Variants in FAM124A observed in about 807,000 individuals in gnomAD.
FAM124A encodes protein FAM124A.
In FAM124A, 23 loss-of-function variants were observed where a neutral mutation model predicts 24.5. The observed-to-expected ratio is 0.94, with a 90% CI of 0.68 to 1.33. The LOEUF is 1.33. FAM124A is among the 40% of genes most tolerant of loss of function. FAM124A has a pLI of 0.00. For synonymous variants in FAM124A, 287 were observed against 314.7 expected (o/e 0.91, Z 0.93); for missense variants, 623 against 722.8 (o/e 0.86, Z 1.58).
At chr13:51,243,529 T>A (rs1954523903) in intron 2 of FAM124A, among the ~76,000 whole-genome samples, 1 of 152,058 alleles carries the variant, frequency 6.6e-6, no homozygotes, top group Non-Finnish European at 1.5e-5. Context: ...TTGTTGGTTT[T>A]TTTTGTTTGT....
At chr13:51,267,753 T>C (rs1954802779) in intron 3 of FAM124A, among the ~76,000 whole-genome samples, 1 of 152,206 alleles carries the variant, frequency 6.6e-6, no homozygotes, top group Admixed American at 6.5e-5. Context: ...CTTCTACTAA[T>C]ATTCAGCACC....
intron 2 of FAM124A, among the ~76,000 whole-genome samples, chr13:51,250,979 CA>C (rs1361412709): frequency 6.6e-6 from 1 of 152,182 alleles, no homozygotes; most frequent in Non-Finnish European, 1.5e-5. Context: ...TGTGTGTTAA[CA>C]AAATAAACAA....
intron 2 of FAM124A, among the ~76,000 whole-genome samples, chr13:51,236,596 A>G (rs1348743572): frequency 1.3e-5 from 2 of 152,256 alleles, no homozygotes; most frequent in African/African-American, 4.8e-5. Context: ...TGCATACTGT[A>G]GAACTCCTCA....
intron 3 of FAM124A, among the ~76,000 whole-genome samples, chr13:51,259,402 C>T (rs1285987563): frequency 6.6e-6 from 1 of 152,018 alleles, no homozygotes; most frequent in African/African-American, 2.4e-5. Flanking sequence ...TGACCTCCTG[C>T]CTCTCCCCTC....
intron 2 of FAM124A, among the ~76,000 whole-genome samples, chr13:51,246,886 G>A (rs1032058596): frequency 5.3e-5 from 8 of 152,180 alleles, no homozygotes; most frequent in African/African-American, 9.7e-5. Context: ...ACCTTCTCCC[G>A]GGCCTCTTCA....
intron 3 of FAM124A, among the ~76,000 whole-genome samples, chr13:51,267,616 TAA>T (rs1954801516): frequency 6.6e-6 from 1 of 152,134 alleles, no homozygotes; most frequent in Non-Finnish European, 1.5e-5. Flanking sequence ...TTTTTTTTTC[TAA>T]AAGTGTTCTC....
rs552142868 is a variant in FAM124A, at chr13:51,243,986, G to T, written c.101-7482G>T. ...CCCAGCCCCCAAGCCACTCAGTGCC[G>T]TTGATGGGGGCTTTAGAAATGCAAA... On this transcript the variant is annotated intron_variant, in intron 2 of 3. Coordinates refer to ENST00000322475, the MANE Select transcript of FAM124A (RefSeq NM_001242312.2). Among the ~76,000 whole-genome samples, 50 of 152,314 alleles carry T rather than the reference G, an allele frequency of 3.3e-4. No individual in the cohort carries two copies. In the South Asian group the frequency reaches 0.01, roughly 31 times the overall value.
chr13:51,278,244 C>T (rs1954902805), intron 3 of FAM124A, among the ~76,000 whole-genome samples: 1 of 152,146 alleles, frequency 6.6e-6, no homozygotes, highest in Non-Finnish European at 1.5e-5. Flanking sequence ...TCCTGTTTCA[C>T]TCTAAAAAGG....
intron 2 of FAM124A, among the ~76,000 whole-genome samples, chr13:51,238,380 C>A (rs1391291951): frequency 6.6e-6 from 1 of 152,200 alleles, no homozygotes; most frequent in Non-Finnish European, 1.5e-5. Flanking sequence ...TAGCCCATCT[C>A]TTCGTTATGC....
Position 51,281,305 on chromosome 13 carries a change from T to C in FAM124A, c.*49T>C. 6.7e-7 allele frequency: 1 copy of C among 1,501,060 alleles called. No homozygotes were observed. Among genetic ancestry groups the C allele is most frequent in the Non-Finnish European group, 8.9e-7 (1 of 1,127,050 alleles). The allele number at this position is 1,501,060 out of a possible 1,614,324, so 93.0% of individuals were successfully genotyped here. ...AACACACAAACTCAGAGACACAGAC[T>C]CAGGCCCCACTGCCCCTCTGGCCAC... On this transcript the variant is annotated 3_prime_UTR_variant, in exon 4 of 4. Coordinates refer to ENST00000322475, the MANE Select transcript of FAM124A (RefSeq NM_001242312.2).
chr13:51,224,932 G>T (rs780641680), intron 1 of FAM124A, among the ~76,000 whole-genome samples: 1 of 152,142 alleles, frequency 6.6e-6, no homozygotes, highest in Non-Finnish European at 1.5e-5. Context: ...CTCTTTGCCA[G>T]CTCTGCCCTT....
At chr13:51,255,108 T>C (rs996404116) in intron 3 of FAM124A, among the ~76,000 whole-genome samples, 3 of 152,182 alleles carry the variant, frequency 2.0e-5, no homozygotes, top group African/African-American at 7.2e-5. Context: ...GGCTATGTTA[T>C]CCTTTTTTTA....
In FAM124A at chr13:51,251,534, G is replaced by GGGAGTC. The variant is rs1169094761; in HGVS notation, c.168_173dup (p.Glu57_Ser58dup). On this transcript the variant is annotated inframe_insertion, in exon 3 of 4. Transcript: ENST00000322475. The surrounding 1 kb of genome is among the most constrained non-coding windows in gnomAD (Gnocchi z 5.3). ...AGCATCCACATAATCGCAGACCCAG[G>GGGAGTC]GGAGTCCCAGCCCCTGCAGGAGGCC... 1 of 1,520,248 alleles carries GGGAGTC rather than the reference G, an allele frequency of 6.6e-7. No homozygotes were observed. The highest frequency in any genetic ancestry group is 2.2e-5 in the Admixed American group (1 of 45,766). The allele number at this position is 1,520,248 out of a possible 1,614,324, so 94.2% of individuals were successfully genotyped here.
intron 2 of FAM124A, among the ~76,000 whole-genome samples, chr13:51,232,812 G>A (rs1954392528): frequency 6.6e-6 from 1 of 152,124 alleles, no homozygotes; most frequent in Non-Finnish European, 1.5e-5. Flanking sequence ...TAAAATACTT[G>A]TGTGAAGCCT....
chr13:51,236,589 A>G (rs764668664), intron 2 of FAM124A, among the ~76,000 whole-genome samples: 3 of 152,262 alleles, frequency 2.0e-5, no homozygotes, highest in Non-Finnish European at 2.9e-5. Flanking sequence ...ACATGATTGC[A>G]TACTGTAGAA....
At chr13:51,253,863 G>T (rs1237523201) in intron 3 of FAM124A, among the ~76,000 whole-genome samples, 1 of 152,182 alleles carries the variant, frequency 6.6e-6, no homozygotes, top group African/African-American at 2.4e-5. Flanking sequence ...TTTGTATCTT[G>T]GGACTCAGGC....
In FAM124A at chr13:51,264,951, G is replaced by A. The variant is rs558502183; in HGVS notation, c.834+12750G>A. 4.6e-5 allele frequency among the ~76,000 whole-genome samples: 7 copies of A among 152,340 alleles called. No individual in the cohort carries two copies. In the South Asian group the frequency reaches 1.4e-3, roughly 32 times the overall value. On this transcript the variant is annotated intron_variant, in intron 3 of 3. Coordinates refer to ENST00000322475, the MANE Select transcript of FAM124A (RefSeq NM_001242312.2). ...GATCCAAAGACTGGTCTCTGAGCCA[G>A]GGTTTGCATTTGTATCCTGTCTCTT...
At chr13:51,227,025 G>A (rs1044685868) in intron 1 of FAM124A, among the ~76,000 whole-genome samples, 1 of 152,092 alleles carries the variant, frequency 6.6e-6, no homozygotes, top group Non-Finnish European at 1.5e-5. Flanking sequence ...CTTAGTACAT[G>A]ATTATTTCTC....
At chr13:51,246,408 G>C (rs1000083001) in intron 2 of FAM124A, among the ~76,000 whole-genome samples, 7 of 143,672 alleles carry the variant, frequency 4.9e-5, no homozygotes, top group East Asian at 4.3e-4. Flanking sequence ...GTGGGGTGGG[G>C]GGGGGTGTAA....
Sources: allele counts gnomAD v4.1 joint callset (sites outside exome capture counted in the v4.1 genomes callset), GRCh38; gene constraint gnomAD v4.1.1; non-coding constraint Gnocchi (gnomAD v3.1); transcripts MANE v1.5; gene names NCBI Gene and HGNC (gene_info 2026-07-23, HGNC 2026-07-21).